TEK: variants seen among roughly 807,000 people sequenced by gnomAD.
TEK encodes the protein TEK receptor tyrosine kinase, also known as angiopoietin-1 receptor.
Under a neutral mutation model 131.8 loss-of-function variants are expected in TEK, and 43 were observed. That is an observed-to-expected ratio of 0.33 (90% confidence interval 0.26 to 0.42). The LOEUF is 0.42. Ranked by LOEUF, TEK falls within the 10% of genes least tolerant of loss-of-function variation. The pLI is 1.00. For missense variants in TEK, 1,162 were observed against 1,384.4 expected (o/e 0.84, Z 2.55); for synonymous variants, 580 against 491.6 (o/e 1.18, Z -2.38).
intron 1 of TEK, among the ~76,000 whole-genome samples, chr9:27,147,480 G>A (rs371124167): frequency 6.6e-6 from 1 of 151,788 alleles, no homozygotes; most frequent in Non-Finnish European, 1.5e-5. Flanking sequence ...CTAGATGCAA[G>A]TCATTTGCCA....
At chr9:27,181,759 A>T (rs1824384983) in intron 7 of TEK, among the ~76,000 whole-genome samples, 1 of 152,224 alleles carries the variant, frequency 6.6e-6, no homozygotes, top group East Asian at 1.9e-4. Flanking sequence ...CCACTGTCGT[A>T]GAATATACTT....
At chr9:27,191,603 G>A (rs1028696718) in intron 10 of TEK, among the ~76,000 whole-genome samples, 4 of 145,640 alleles carry the variant, frequency 2.7e-5, no homozygotes, top group African/African-American at 1.0e-4. Flanking sequence ...AAAAAAAAAA[G>A]AGAAGAGGAG....
rs772637203 is a variant in TEK, at chr9:27,202,928, G to A, written c.2018G>A (p.Arg673His). Residue 673 changes from arginine to histidine, a missense_variant, in exon 13 of 23, where the codon CGT becomes CAT. Physicochemically the swap from Arg to His is conservative, Grantham distance 29. Transcript: ENST00000380036. ...TATTCTATTTCTTCTATTACTATCCGTTACAAGGTTCAAGGCAAGAATGAA... is the reference window on the plus strand; with the variant it reads ...TATTCTATTTCTTCTATTACTATCCATTACAAGGTTCAAGGCAAGAATGAA... ...DGYSISSITI[R>H]YKVQGKNEDQ... 5.5e-5 allele frequency: 89 copies of A among 1,613,846 alleles called. No individual in the cohort carries two copies. Among genetic ancestry groups the A allele is most frequent in the Middle Eastern group, 3.3e-4 (2 of 6,084 alleles).
At chr9:27,217,142 A>G (rs1429408447) in intron 18 of TEK, among the ~76,000 whole-genome samples, 5 of 152,154 alleles carry the variant, frequency 3.3e-5, no homozygotes, top group African/African-American at 1.2e-4. Context: ...AATCAGCTCA[A>G]TCTCTACTGT....
chr9:27,204,113 G>A (rs767252736), intron 13 of TEK, among the ~76,000 whole-genome samples: 1 of 152,106 alleles, frequency 6.6e-6, no homozygotes, highest in African/African-American at 2.4e-5. Context: ...AAAATACCAA[G>A]AGAAAACTTT....
At chr9:27,143,244 C>T (rs1177761484) in intron 1 of TEK, among the ~76,000 whole-genome samples, 3 of 152,100 alleles carry the variant, frequency 2.0e-5, no homozygotes, top group Admixed American at 1.3e-4. Context: ...GAGGGTTGTC[C>T]CCAAGAACTG....
chr9:27,209,334 T>A (rs771142738), intron 16 of TEK, 103 bp downstream of exon 16: 1 of 857,726 alleles, frequency 1.2e-6, no homozygotes. Flanking sequence ...GTTGCCTATT[T>A]TTTTTAAAGT....
chr9:27,139,035 C>T (rs1181149632), intron 1 of TEK, among the ~76,000 whole-genome samples: 1 of 151,574 alleles, frequency 6.6e-6, no homozygotes, highest in African/African-American at 2.4e-5. Flanking sequence ...TGGTGAAATC[C>T]ATGTCTACTA....
chr9:27,218,235 C>T (rs529564760), intron 19 of TEK, among the ~76,000 whole-genome samples: 2 of 110,964 alleles, frequency 1.8e-5, no homozygotes, highest in African/African-American at 3.8e-5. Flanking sequence ...TACCCCATTT[C>T]CAGGAGGAAA....
In TEK at chr9:27,213,614, G is replaced by C. The variant is rs41272847; in HGVS notation, c.2991+17G>C. 85,908 of 1,575,594 alleles carry C rather than the reference G, an allele frequency of 0.055. 2,759 individuals are homozygous for C. The highest frequency in any genetic ancestry group is 0.065 in the Non-Finnish European group (74,024 of 1,145,330). On this transcript the variant is annotated intron_variant, in intron 18 of 22. Coordinates refer to ENST00000380036, the MANE Select transcript of TEK (RefSeq NM_000459.5). ...AAGACAATGGTAAGTGCCAGACACA[G>C]ACACTGATCGCATCCTTTCCGAGGT...
intron 12 of TEK, among the ~76,000 whole-genome samples, chr9:27,201,154 A>C (rs1263848545): frequency 1.3e-5 from 2 of 152,176 alleles, no homozygotes; most frequent in African/African-American, 2.4e-5. Flanking sequence ...AACCTGCTAA[A>C]ATGTAGATTG....
chr9:27,213,991 C>G (rs961001650), intron 18 of TEK, among the ~76,000 whole-genome samples: 3 of 152,152 alleles, frequency 2.0e-5, no homozygotes, highest in African/African-American at 7.2e-5. Context: ...AGAAGACAAA[C>G]TAAATGGTTT....
At chr9:27,175,084 C>T (rs934542486) in intron 6 of TEK, among the ~76,000 whole-genome samples, 45 of 147,554 alleles carry the variant, frequency 3.0e-4, no homozygotes, top group African/African-American at 1.1e-3. Flanking sequence ...TGTGCTGCAC[C>T]CATCAACTCG....
chr9:27,160,162 A>G (rs898060646), intron 2 of TEK, among the ~76,000 whole-genome samples: 1 of 151,688 alleles, frequency 6.6e-6, no homozygotes, highest in African/African-American at 2.4e-5. Context: ...AGCTGGGACT[A>G]CAGGCATGCA....
At chr9:27,193,925 G>C (rs1285506781) in intron 11 of TEK, among the ~76,000 whole-genome samples, 1 of 152,152 alleles carries the variant, frequency 6.6e-6, no homozygotes, top group Non-Finnish European at 1.5e-5. Flanking sequence ...TCCCACCTCA[G>C]CTTCCTGAGT....
intron 1 of TEK, among the ~76,000 whole-genome samples, chr9:27,135,828 G>A (rs1822406731): frequency 6.6e-6 from 1 of 152,114 alleles, no homozygotes; most frequent in Admixed American, 6.6e-5. Context: ...TAGAAGCAGA[G>A]AGGACGCCTT....
Position 27,209,260 on chromosome 9 carries a change from C to A in TEK, c.2686+29C>A, listed in dbSNP as rs543494007. 86 of 1,487,654 alleles carry A rather than the reference C, an allele frequency of 5.8e-5. 2 individuals carry two copies. In the South Asian group the frequency reaches 9.5e-4, roughly 16 times the overall value. 92.2% of individuals were successfully genotyped at this position (1,487,654 alleles called of 1,614,324 possible). ...AGATGCTCTTTTCCTGTCTTTCCTG[C>A]CAGAGTTTTTATAAAACAGACAAAT... On this transcript the variant is annotated intron_variant, in intron 16 of 22. Transcript: ENST00000380036.
At chr9:27,149,655 A>G (rs1245235407) in intron 1 of TEK, among the ~76,000 whole-genome samples, 1 of 152,138 alleles carries the variant, frequency 6.6e-6, no homozygotes, top group Non-Finnish European at 1.5e-5. Flanking sequence ...CTCTTTGTGC[A>G]GGCAAGTCAG....
chr9:27,199,997 A>C (rs1825161540), intron 12 of TEK, among the ~76,000 whole-genome samples: 1 of 152,172 alleles, frequency 6.6e-6, no homozygotes, highest in Admixed American at 6.5e-5. Context: ...TTGTGTATTT[A>C]GGTCTTTAAG....
Sources: allele counts gnomAD v4.1 joint callset (sites outside exome capture counted in the v4.1 genomes callset), GRCh38; gene constraint gnomAD v4.1.1; transcripts MANE v1.5; gene names NCBI Gene and HGNC (gene_info 2026-07-23, HGNC 2026-07-21).